ZBTB41: variants seen among roughly 807,000 people sequenced by gnomAD.
The protein encoded by ZBTB41 is zinc finger and BTB domain-containing protein 41.
A neutral mutation model predicts 87.6 loss-of-function variants in ZBTB41; 42 were observed. The ratio of observed to expected loss-of-function variants is 0.48; its 90% CI spans 0.37 to 0.62. The LOEUF (loss-of-function observed/expected upper bound fraction) is 0.62. Ranked by LOEUF, ZBTB41 falls within the 20% of genes least tolerant of loss-of-function variation. ZBTB41 has a pLI of 0.00. For missense variants in ZBTB41, 799 were observed against 1,078.9 expected, an observed-to-expected ratio of 0.74 and a Z score of 3.63; for synonymous variants, 364 against 364.0, an observed-to-expected ratio of 1.00 and a Z score of 0.00.
At position 197,200,183 on chromosome 1, in the gene ZBTB41, T is replaced by C; in HGVS notation, c.291A>G (p.Lys97=). The C allele has an allele frequency of 6.2e-7, 1 of 1,613,920 alleles. No homozygotes were observed. Among genetic ancestry groups the C allele is most frequent in the Non-Finnish European group, 8.5e-7 (1 of 1,180,012 alleles). Residue 97 remains lysine (K), a synonymous_variant, in exon 2 of 11, where the codon AAA becomes AAG. Transcript: ENST00000367405. ...CGACTACTTTATGTGCACTAAATTC[T>C]TTTCCTTCCACTATGATAAGTAAAT... ...FCDLLIIVEG[K]EFSAHKVVVA...
rs149006768 is a variant in ZBTB41, at chr1:197,199,700, C to T, written c.774G>A (p.Lys258=). 4.3e-6 allele frequency: 7 copies of T among 1,613,650 alleles called. No individual in the cohort carries two copies. The highest frequency in any genetic ancestry group is 1.1e-5 in the South Asian group (1 of 91,006). ...TGGTGTCATCAAACTTAACAGGGCA[C>T]TTCCGATTCCTTTTTGATCTTCTTG... ...FSARRSKRNR[K]CPVKFDDTSD... is the part of the protein sequence containing the mutation. Residue 258 remains lysine, a synonymous_variant, in exon 2 of 11, where the codon AAG becomes AAA. Transcript: ENST00000367405.
chr1:197,182,862 G>A (rs536499526), intron 5 of ZBTB41, among the ~76,000 whole-genome samples: 6 of 152,014 alleles, frequency 3.9e-5, no homozygotes, highest in Non-Finnish European at 8.8e-5. Flanking sequence ...GGGGCCATAC[G>A]CCAGACCTAT....
intron 7 of ZBTB41, among the ~76,000 whole-genome samples, chr1:197,177,032 G>A (rs1192664161): frequency 6.6e-6 from 1 of 152,110 alleles, no homozygotes; most frequent in Non-Finnish European, 1.5e-5. Context: ...GGAGTAATCA[G>A]AAAGGAATTA....
chr1:197,171,807 TTAATC>T (rs1659485464), intron 10 of ZBTB41, among the ~76,000 whole-genome samples: 1 of 151,828 alleles, frequency 6.6e-6, no homozygotes, highest in Non-Finnish European at 1.5e-5. Flanking sequence ...AAAAAGGAAT[TTAATC>T]TGAAGGCTTA....
intron 10 of ZBTB41, among the ~76,000 whole-genome samples, chr1:197,160,498 T>C (rs1659175340): frequency 6.6e-6 from 1 of 152,188 alleles, no homozygotes; most frequent in African/African-American, 2.4e-5. Flanking sequence ...ACAGCAATTC[T>C]AATTAACATG....
chr1:197,187,181 C>T (rs535885124), intron 5 of ZBTB41, among the ~76,000 whole-genome samples: 1 of 152,286 alleles, frequency 6.6e-6, no homozygotes, highest in South Asian at 2.1e-4. Context: ...CCATCTGATC[C>T]AGCCCCTGTT....
chr1:197,200,197 T>A lies in ZBTB41; in HGVS notation c.277A>T (p.Ile93Leu). Residue 93 changes from isoleucine (I) to leucine (L), a missense_variant, in exon 2 of 11, where the codon ATA becomes TTA. By Grantham distance (5) the Ile-to-Leu change is conservative. Transcript: ENST00000367405. ...KQPSFCDLLI[I>L]VEGKEFSAHK... Reference sequence around the variant, plus strand: ...GCACTAAATTCTTTTCCTTCCACTATGATAAGTAAATCACAAAAAGATGGT... The same window carrying A: ...GCACTAAATTCTTTTCCTTCCACTAAGATAAGTAAATCACAAAAAGATGGT... 1 of 1,613,806 alleles carries A rather than the reference T, an allele frequency of 6.2e-7. No homozygotes were observed. The highest frequency in any genetic ancestry group is 8.5e-7 in the Non-Finnish European group (1 of 1,179,964).
At chr1:197,172,123 A>G (rs10429910) in intron 10 of ZBTB41, 37 bp downstream of exon 10, 1 of 718,738 alleles carries the variant, frequency 1.4e-6, no homozygotes, top group Non-Finnish European at 2.0e-6. Context: ...ATCTCTCTCT[A>G]TATATATATA....
intron 8 of ZBTB41, among the ~76,000 whole-genome samples, chr1:197,175,431 A>ATATATATATATATATATATAT: frequency 1.4e-5 from 1 of 71,594 alleles, no homozygotes; most frequent in South Asian, 6.4e-4. Flanking sequence ...AGGAATTTTA[A>ATATATATATATATATATATAT]ATATATATAT....
At position 197,159,501 on chromosome 1, in the gene ZBTB41, G is replaced by A. The variant is rs1368765795; in HGVS notation, c.2588C>T (p.Thr863Ile). ...GTGAACTATATTTGCAGGTTGAGGA[G>A]TAAGAGTATATTTTTCCAGAAAAGC... is the stretch of plus-strand genomic sequence containing the variant. ...DLAFLEKYTL[T>I]PQPANIVHPV... Residue 863 changes from threonine to isoleucine, a missense_variant, in exon 11 of 11, where the codon ACT becomes ATT. By Grantham distance (89) the Thr-to-Ile change is moderately conservative. Around this residue, in one of 5 missense-constraint regions of ZBTB41, gnomAD observed 171 missense variants for 191.9 expected, o/e 0.89. Coordinates refer to ENST00000367405, the MANE Select transcript of ZBTB41 (RefSeq NM_194314.3). 1.2e-5 allele frequency: 20 copies of A among 1,613,832 alleles called. No homozygotes were observed. Among genetic ancestry groups the A allele is most frequent in the Non-Finnish European group, 1.6e-5 (19 of 1,179,856 alleles).
chr1:197,198,099 G>GT (rs746970088), intron 2 of ZBTB41, among the ~76,000 whole-genome samples: 4 of 152,154 alleles, frequency 2.6e-5, no homozygotes, highest in Non-Finnish European at 5.9e-5. Context: ...TATCTTCACA[G>GT]TATTTGTTTA....
intron 7 of ZBTB41, among the ~76,000 whole-genome samples, chr1:197,177,466 A>G (rs1424507618): frequency 3.3e-5 from 5 of 152,104 alleles, no homozygotes; most frequent in Non-Finnish European, 7.4e-5. Context: ...TAGCAGTGTG[A>G]AAACAGACTA....
In ZBTB41 at chr1:197,181,127, A is replaced by G; in HGVS notation, c.1547-10T>C. 1.2e-6 allele frequency: 1 copy of G among 857,080 alleles called. No homozygotes were observed. The highest frequency in any genetic ancestry group is 1.6e-6 in the Non-Finnish European group (1 of 643,472). The allele number at this position is 857,080 out of a possible 1,614,324, so 53.1% of individuals were successfully genotyped here. ...TCACATGGAAAAGGACCTAAAAAGG[A>G]AAAAAAAAAAGTGTGCATTTAAAGT... On this transcript the variant is annotated splice_polypyrimidine_tract_variant and intron_variant, in intron 5 of 10. Coordinates refer to ENST00000367405, the MANE Select transcript of ZBTB41 (RefSeq NM_194314.3).
At chr1:197,178,386 C>G in intron 7 of ZBTB41, 31 bp downstream of exon 7, 1 of 1,426,074 alleles carries the variant, frequency 7.0e-7, no homozygotes, top group African/African-American at 1.4e-5. Flanking sequence ...TTCTATCTTA[C>G]TTAATAAAGG....
chr1:197,168,245 A>G (rs1275440909), intron 10 of ZBTB41, among the ~76,000 whole-genome samples: 1 of 152,182 alleles, frequency 6.6e-6, no homozygotes, highest in Non-Finnish European at 1.5e-5. Flanking sequence ...TCTTTGAAAA[A>G]AATCTAAACA....
rs1659122697 is a variant in ZBTB41, at chr1:197,158,457, A to G, written c.*902T>C. The stretch of plus-strand genomic sequence containing the variant: ...CCAAGTAAATGAAATCAAAAGTAGC[A>G]TGTTTAATTAAATTTCATTGAGTTA... On this transcript the variant is annotated 3_prime_UTR_variant, in exon 11 of 11. Transcript: ENST00000367405. 6.6e-6 allele frequency: 1 copy of G among 152,476 alleles called. No homozygotes were observed. The highest frequency in any genetic ancestry group is 1.5e-5 in the Non-Finnish European group (1 of 67,918). The allele number at this position is 152,476 out of a possible 1,614,324, so 9.4% of individuals were successfully genotyped here.
Position 197,200,381 on chromosome 1 carries a change from A to T in ZBTB41, c.93T>A (p.Cys31Ter). ...CAGAATGAGTATAGGTCACTTGGTC[A>T]CACTCCACTGCAACATTTCCTTCTG... ...DSSEGNVAVE[C>*]DQVTYTHSAG... The change falls in exon 2 of 11, where the codon TGT becomes TGA. Residue 31 changes from cysteine (C) to a stop codon, truncating the protein, a stop_gained. Coordinates refer to ENST00000367405, the MANE Select transcript of ZBTB41 (RefSeq NM_194314.3). LOFTEE classifies it high-confidence loss of function. The T allele has an allele frequency of 6.2e-7, 1 of 1,614,112 alleles. No individual in the cohort carries two copies. The highest frequency in any genetic ancestry group is 8.5e-7 in the Non-Finnish European group (1 of 1,180,006).
chr1:197,198,778 A>G (rs1660227965), intron 2 of ZBTB41, among the ~76,000 whole-genome samples: 1 of 152,188 alleles, frequency 6.6e-6, no homozygotes. Context: ...CTAAAGTCAC[A>G]TGTATAATAT....
intron 10 of ZBTB41, 120 bp from the exon 11 acceptor site, chr1:197,160,134 C>T: frequency 1.4e-6 from 1 of 697,422 alleles, no homozygotes; most frequent in South Asian, 1.9e-5. Flanking sequence ...AGCAATAATA[C>T]TGTATACTAT....
Sources: gnomAD v4.1 joint callset for allele counts (sites outside exome capture counted in the v4.1 genomes callset) on GRCh38, gnomAD v4.1.1 for gene constraint, gnomAD v4.1.1 regional missense constraint, MANE v1.5 for transcripts, NCBI Gene and HGNC (gene_info 2026-07-23, HGNC 2026-07-21) for gene names.